The following ANGPT2 variants were observed in gnomAD, a reference collection of about 807,000 sequenced individuals.
ANGPT2 encodes the protein angiopoietin-2.
In ANGPT2, 28 loss-of-function variants were observed where a neutral mutation model predicts 62.9. The observed-to-expected ratio is 0.44, with a 90% CI of 0.33 to 0.61. The LOEUF is 0.61. ANGPT2 is among the 20% of genes least tolerant of loss of function. The pLI is 0.03. For missense variants in ANGPT2, 727 were observed against 594.9 expected (o/e 1.22, Z -2.31); for synonymous variants, 284 against 207.8 (o/e 1.37, Z -3.15).
In ANGPT2 at chr8:6,501,683, G is replaced by C. The variant is rs3958765; in HGVS notation, c.*1418C>G. The C allele has an allele frequency of 0.33, 49,318 of 150,882 alleles. 8,416 individuals are homozygous for C. Among genetic ancestry groups the C allele is most frequent in the Middle Eastern group, 0.47 (136 of 292 alleles). 9.3% of individuals were successfully genotyped at this position (150,882 alleles called of 1,614,324 possible). A position where few individuals can be genotyped will look rare whatever the true frequency, so the allele number is the denominator to read the frequency against. On this transcript the variant is annotated 3_prime_UTR_variant, in exon 9 of 9. Coordinates refer to ENST00000629816, the MANE Select transcript of ANGPT2 (RefSeq NM_001118887.2). ...AATTCTCCCTGCCTCAGCCTCCCGAGTAGCTGGGATTACAGGTGCCCGCCA... is the reference window on the plus strand; with the variant it reads ...AATTCTCCCTGCCTCAGCCTCCCGACTAGCTGGGATTACAGGTGCCCGCCA...
At chr8:6,523,778 G>A (rs1463541068) in intron 3 of ANGPT2, among the ~76,000 whole-genome samples, 1 of 151,938 alleles carries the variant, frequency 6.6e-6, no homozygotes, top group African/African-American at 2.4e-5. Context: ...TAGTAGAGAC[G>A]TGGTTTCATT....
chr8:6,531,553 A>C (rs1051294199), intron 2 of ANGPT2, among the ~76,000 whole-genome samples: 2 of 151,918 alleles, frequency 1.3e-5, no homozygotes, highest in African/African-American at 4.8e-5. Context: ...CGGCCTCCCA[A>C]AGTGCTGGAA....
Position 6,499,702 on chromosome 8 carries a change from G to T in ANGPT2, c.*3399C>A. On this transcript the variant is annotated 3_prime_UTR_variant, in exon 9 of 9. Transcript: ENST00000629816. ...ATTCATAACATTTATGCAACATGAAGATTCTGAAGGGACTTTGTTGTCTGA... is the reference window on the plus strand; with the variant it reads ...ATTCATAACATTTATGCAACATGAATATTCTGAAGGGACTTTGTTGTCTGA... The T allele has an allele frequency of 1.5e-6, 1 of 672,526 alleles. No individual in the cohort carries two copies. The highest frequency in any genetic ancestry group is 2.4e-5 in the Admixed American group (1 of 42,288). 41.7% of individuals were successfully genotyped at this position (672,526 alleles called of 1,614,324 possible). A position where few individuals can be genotyped will look rare whatever the true frequency, so the allele number is the denominator to read the frequency against.
At chr8:6,553,666 T>A (rs535446097) in intron 1 of ANGPT2, among the ~76,000 whole-genome samples, 66 of 109,396 alleles carry the variant, frequency 6.0e-4, no homozygotes, top group African/African-American at 3.8e-3. Flanking sequence ...GGTCTCAAAA[T>A]TTTTTTTTTT....
intron 8 of ANGPT2, chr8:6,508,256 C>G (rs1337656647): frequency 1.3e-5 from 2 of 152,336 alleles, no homozygotes; most frequent in Non-Finnish European, 2.9e-5. Context: ...TCGAGACCAG[C>G]CTGGCAAACA....
chr8:6,530,635 G>A (rs1819315643), intron 2 of ANGPT2, among the ~76,000 whole-genome samples: 1 of 151,634 alleles, frequency 6.6e-6, no homozygotes, highest in African/African-American at 2.4e-5. Flanking sequence ...GACTTCCTAA[G>A]ATTTAAATTT....
intron 1 of ANGPT2, among the ~76,000 whole-genome samples, chr8:6,546,633 C>T (rs1822624211): frequency 6.6e-6 from 1 of 152,068 alleles, no homozygotes; most frequent in Non-Finnish European, 1.5e-5. Flanking sequence ...GAGCTAACCG[C>T]TTAATACAAG....
In ANGPT2 at chr8:6,554,956, A is replaced by G. The variant is rs115539647; in HGVS notation, c.288+7691T>C. ...AGGTGATTTCATGGAGAAATATCTA[A>G]TTAAAATATTAAAGATAGTCGGATG... On this transcript the variant is annotated intron_variant, in intron 1 of 8. Coordinates refer to ENST00000629816, the MANE Select transcript of ANGPT2 (RefSeq NM_001118887.2). 2.1e-3 allele frequency among the ~76,000 whole-genome samples: 327 copies of G among 152,342 alleles called. 1 individual carries two copies. Among genetic ancestry groups the G allele is most frequent in the African/African-American group, 7.4e-3 (308 of 41,574 alleles).
chr8:6,545,291 A>T lies in ANGPT2; in HGVS notation c.289-12804T>A, dbSNP rs557545136. Among the ~76,000 whole-genome samples, 18 of 152,332 alleles carry T rather than the reference A, an allele frequency of 1.2e-4. No individual in the cohort carries two copies. The South Asian group carries it at 3.7e-3, about 32-fold the overall frequency. ...GTTACATGAGTGAATCCATATTTTT[A>T]AAAGTTATCAAGCTGTAAATTTCAG... On this transcript the variant is annotated intron_variant, in intron 1 of 8. Transcript: ENST00000629816.
chr8:6,533,231 G>A (rs988546234), intron 1 of ANGPT2, among the ~76,000 whole-genome samples: 4 of 152,154 alleles, frequency 2.6e-5, no homozygotes, highest in East Asian at 1.9e-4. Flanking sequence ...TGATCATGCT[G>A]ACTAATTTTA....
intron 2 of ANGPT2, among the ~76,000 whole-genome samples, chr8:6,528,592 G>C (rs1007979767): frequency 6.6e-6 from 1 of 152,220 alleles, no homozygotes; most frequent in Admixed American, 6.5e-5. Context: ...GCCTTGCCGT[G>C]CGGGCCTTTG....
At chr8:6,531,779 G>T (rs1819565768) in intron 2 of ANGPT2, among the ~76,000 whole-genome samples, 1 of 128,596 alleles carries the variant, frequency 7.8e-6, no homozygotes, top group African/African-American at 2.9e-5. Context: ...CCATGGCAGC[G>T]CTCAGGGCTC....
rs1430809944 is a variant in ANGPT2 at position 6,532,482 on chromosome 8, C to T, written c.294G>A (p.Glu98=). ...TCTTCATGTTGTCCTGGATATAATT[C>T]TCAAGCTAGAAAAGAACAGTGTTAG... ...ENNTQWLMKL[E]NYIQDNMKKE... is the part of the protein sequence containing the mutation. The change falls in exon 2 of 9, where the codon GAG becomes GAA. Residue 98 remains glutamate (E), a synonymous_variant. Transcript: ENST00000629816. 6.2e-7 allele frequency: 1 copy of T among 1,610,338 alleles called. No individual in the cohort carries two copies. Among genetic ancestry groups the T allele is most frequent in the African/African-American group, 1.3e-5 (1 of 74,446 alleles).
intron 5 of ANGPT2, among the ~76,000 whole-genome samples, chr8:6,515,894 GT>G (rs1314048689): frequency 3.3e-5 from 5 of 152,342 alleles, no homozygotes; most frequent in African/African-American, 4.8e-5. Flanking sequence ...AACCAAGAGA[GT>G]GCTATTCCTG....
chr8:6,512,420 G>A (rs1003575309), intron 7 of ANGPT2, among the ~76,000 whole-genome samples: 1 of 152,140 alleles, frequency 6.6e-6, no homozygotes, highest in Non-Finnish European at 1.5e-5. Context: ...GAGACTGTAG[G>A]TCAGATGATG....
At position 6,499,806 on chromosome 8, in the gene ANGPT2, A is replaced by G. The variant is rs1018134967; in HGVS notation, c.*3295T>C. 18 of 1,545,162 alleles carry G rather than the reference A, an allele frequency of 1.2e-5. No homozygotes were observed. The highest frequency in any genetic ancestry group is 1.6e-5 in the Non-Finnish European group (18 of 1,119,292). ...AGTGATTCTTGGTTTATTGCCTGCT[A>G]AGGCTAATAAATGTATAATAAATCT... is the stretch of plus-strand genomic sequence containing the variant. On this transcript the variant is annotated 3_prime_UTR_variant, in exon 9 of 9. Transcript: ENST00000629816.
At chr8:6,554,834 G>A (rs1219149557) in intron 1 of ANGPT2, among the ~76,000 whole-genome samples, 2 of 152,160 alleles carry the variant, frequency 1.3e-5, no homozygotes, top group Admixed American at 1.3e-4. Flanking sequence ...TGCAGGAGGG[G>A]CTCTGGTAAA....
intron 2 of ANGPT2, among the ~76,000 whole-genome samples, chr8:6,527,899 A>ATTTTTCTTTTT (rs769453212): frequency 7.5e-6 from 1 of 133,122 alleles, no homozygotes; most frequent in Non-Finnish European, 1.6e-5. Flanking sequence ...CCACGTCTCT[A>ATTTTTCTTTTT]TTTTTTTTTT....
At chr8:6,519,810 C>G in intron 5 of ANGPT2, 54 bp downstream of exon 5, 1 of 1,596,222 alleles carries the variant, frequency 6.3e-7, no homozygotes, top group Non-Finnish European at 8.6e-7. Context: ...TCCTCACTCA[C>G]TAAAGTGGCC....
Sources: gnomAD v4.1 joint callset for allele counts (sites outside exome capture counted in the v4.1 genomes callset) on GRCh38, gnomAD v4.1.1 for gene constraint, MANE v1.5 for transcripts, NCBI Gene and HGNC (gene_info 2026-07-23, HGNC 2026-07-21) for gene names.